Variants in PHLDB2 observed in about 807,000 individuals in gnomAD.
PHLDB2 encodes pleckstrin homology like domain family B member 2.
Under a neutral mutation model 123.6 loss-of-function variants are expected in PHLDB2, and 71 were observed. That is an observed-to-expected ratio of 0.57 (90% confidence interval 0.47 to 0.70). PHLDB2 has a LOEUF of 0.70. PHLDB2 is among the 30% of genes least tolerant of loss of function. The pLI is 0.00. For missense variants in PHLDB2, 1,446 were observed against 1,519.5 expected (o/e 0.95, Z 0.80); for synonymous variants, 547 against 541.6 (o/e 1.01, Z -0.14).
intron 2 of PHLDB2, chr3:111,911,721 G>GTT (rs1279735919): frequency 6.5e-7 from 1 of 1,535,918 alleles, no homozygotes; most frequent in Non-Finnish European, 8.7e-7. Context: ...GCAGTGAAAG[G>GTT]GAGGTGCGAG....
In PHLDB2 at chr3:111,966,527, G is replaced by GTGTGTGT. The variant is rs1222251851; in HGVS notation, c.3078-86_3078-85insTGTGTGT. ...TGTGTGTGTGTGTGTGTGTGTCTGG[G>GTGTGTGT]GTGTGTGTGTGTGTGTGTGTGTATG... On this transcript the variant is annotated intron_variant, in intron 13 of 17. Transcript: ENST00000431670. The GTGTGTGT allele has an allele frequency of 3.0e-4, 184 of 618,580 alleles. No individual in the cohort carries two copies. In the African/African-American group the frequency reaches 3.1e-3, roughly 10 times the overall value. The allele number at this position is 618,580 out of a possible 1,614,324, so 38.3% of individuals were successfully genotyped here. A position where few individuals can be genotyped will look rare whatever the true frequency, so the allele number is the denominator to read the frequency against.
chr3:111,952,503 C>G lies in PHLDB2; in HGVS notation c.2632-69C>G, dbSNP rs1577177639. 3.9e-6 allele frequency: 6 copies of G among 1,526,528 alleles called. No individual in the cohort carries two copies. In the East Asian group the frequency reaches 1.4e-4, roughly 35 times the overall value. The allele number at this position is 1,526,528 out of a possible 1,614,324, so 94.6% of individuals were successfully genotyped here. ...CAGTTTTTTTTGTAAGTGCATAATT[C>G]TTCATTTCTTCAGTCACCTATTACA... On this transcript the variant is annotated intron_variant, in intron 10 of 17. Transcript: ENST00000431670.
At chr3:111,859,699 G>A (rs1271223413) in intron 1 of PHLDB2, 123 bp downstream of exon 1, 2 of 985,352 alleles carry the variant, frequency 2.0e-6, no homozygotes, top group South Asian at 4.7e-5. Flanking sequence ...GCGCTGCGGA[G>A]GGTTGGGGGC....
At chr3:111,836,188 C>A (rs927774945) in intron 1 of PHLDB2, among the ~76,000 whole-genome samples, 3 of 152,084 alleles carry the variant, frequency 2.0e-5, no homozygotes, top group Non-Finnish European at 2.9e-5. Flanking sequence ...TCTGAAAGGA[C>A]AAAATGCAGA....
chr3:111,750,638 G>T (rs1376119802), intron 1 of PHLDB2, among the ~76,000 whole-genome samples: 1 of 151,996 alleles, frequency 6.6e-6, no homozygotes, highest in African/African-American at 2.4e-5. Flanking sequence ...TCACATATGA[G>T]AAATCTAAAA....
At chr3:111,803,492 C>T (rs905680856) in intron 1 of PHLDB2, among the ~76,000 whole-genome samples, 3 of 151,784 alleles carry the variant, frequency 2.0e-5, no homozygotes, top group African/African-American at 7.3e-5. Context: ...CACTAGTCTT[C>T]CCAGAATTCG....
intron 2 of PHLDB2, among the ~76,000 whole-genome samples, chr3:111,893,827 T>A (rs2066639199): frequency 6.6e-6 from 1 of 150,514 alleles, no homozygotes; most frequent in African/African-American, 2.4e-5. Context: ...TTGACGATGC[T>A]ACCCACTCCC....
chr3:111,918,664 C>G (rs997282138), intron 3 of PHLDB2, among the ~76,000 whole-genome samples: 1 of 152,182 alleles, frequency 6.6e-6, no homozygotes, highest in Non-Finnish European at 1.5e-5. Flanking sequence ...CTTGTAATAA[C>G]CATAGCATCA....
intron 12 of PHLDB2, 104 bp from the exon 13 acceptor site, chr3:111,962,004 C>T: frequency 9.2e-7 from 1 of 1,083,932 alleles, no homozygotes; most frequent in Non-Finnish European, 1.4e-6. Context: ...AAGGCCCAAG[C>T]TTCATAGGCA....
chr3:111,758,622 C>G (rs2059942463), intron 1 of PHLDB2, among the ~76,000 whole-genome samples: 1 of 152,204 alleles, frequency 6.6e-6, no homozygotes, highest in South Asian at 2.1e-4. Context: ...GACCTGCGCC[C>G]ACTGTCTGGC....
chr3:111,805,886 G>A, intron 1 of PHLDB2, among the ~76,000 whole-genome samples: 1 of 145,158 alleles, frequency 6.9e-6, no homozygotes, highest in Admixed American at 7.1e-5. Context: ...AAAGATACAA[G>A]AAGTCAAGAA....
intron 13 of PHLDB2, among the ~76,000 whole-genome samples, chr3:111,964,215 C>T (rs530589943): frequency 2.0e-5 from 3 of 152,224 alleles, no homozygotes; most frequent in South Asian, 4.2e-4. Context: ...CATGGCCACA[C>T]GTAACTACTT....
intron 1 of PHLDB2, among the ~76,000 whole-genome samples, chr3:111,822,869 ACT>A (rs1224440610): frequency 5.4e-5 from 8 of 148,810 alleles, no homozygotes; most frequent in African/African-American, 2.0e-4. Context: ...TCTTGGAAGA[ACT>A]CTCTGTTTAG....
intron 1 of PHLDB2, among the ~76,000 whole-genome samples, chr3:111,773,098 G>A (rs1044119866): frequency 2.0e-5 from 3 of 152,184 alleles, no homozygotes; most frequent in African/African-American, 7.2e-5. Flanking sequence ...AATTGTAAAG[G>A]TCTAAGAACC....
intron 1 of PHLDB2, among the ~76,000 whole-genome samples, chr3:111,801,450 A>AG (rs1559838310): frequency 6.6e-6 from 1 of 152,208 alleles, no homozygotes; most frequent in Non-Finnish European, 1.5e-5. Context: ...TTTTTAACTG[A>AG]GGTGATATGA....
chr3:111,805,532 G>A (rs147544652), intron 1 of PHLDB2, among the ~76,000 whole-genome samples: 9,424 of 149,700 alleles, frequency 0.063, 612 homozygotes, highest in South Asian at 0.12. Flanking sequence ...CTGCACTCCA[G>A]CCTGGGCGAC....
At chr3:111,811,259 A>G (rs2061824254) in intron 1 of PHLDB2, among the ~76,000 whole-genome samples, 1 of 152,224 alleles carries the variant, frequency 6.6e-6, no homozygotes, top group Non-Finnish European at 1.5e-5. Context: ...GGAACCTTTC[A>G]GGACTTGGTG....
intron 15 of PHLDB2, 53 bp from the exon 16 acceptor site, chr3:111,969,637 T>C: frequency 6.7e-7 from 1 of 1,483,016 alleles, no homozygotes; most frequent in South Asian, 1.2e-5. Flanking sequence ...ATCTGTGACC[T>C]AAAACAAAAC....
At chr3:111,958,748 C>G in intron 12 of PHLDB2, 1 of 455,644 alleles carries the variant, frequency 2.2e-6, no homozygotes, top group South Asian at 1.6e-5. Flanking sequence ...AGTTGCTTTC[C>G]CACTGATTAA....
Sources: gnomAD v4.1 joint callset for allele counts (sites outside exome capture counted in the v4.1 genomes callset) on GRCh38, gnomAD v4.1.1 for gene constraint, MANE v1.5 for transcripts, NCBI Gene and HGNC (gene_info 2026-07-23, HGNC 2026-07-21) for gene names.